NOXA1: variants seen among roughly 807,000 people sequenced by gnomAD.
NOXA1 encodes the protein NADPH oxidase activator 1.
Under a neutral mutation model 64.8 loss-of-function variants are expected in NOXA1, and 56 were observed. That is an observed-to-expected ratio of 0.86 (90% CI 0.70 to 1.08). The LOEUF (loss-of-function observed/expected upper bound fraction) is 1.08. NOXA1 is among the 50% of genes least tolerant of loss of function. NOXA1 has a pLI of 0.00. For missense variants in NOXA1, 668 were observed against 658.5 expected (o/e 1.01, Z -0.16); for synonymous variants, 295 against 294.8 (o/e 1.00, Z -0.01).
intron 1 of NOXA1, among the ~76,000 whole-genome samples, chr9:137,424,696 C>G (rs770900126): frequency 6.6e-6 from 1 of 152,184 alleles, no homozygotes; most frequent in African/African-American, 2.4e-5. Flanking sequence ...CCTCGGCCAC[C>G]CATAGTGGTG....
rs1839109817 is a variant in NOXA1 at position 137,431,507 on chromosome 9, G to GT, written c.804+166_804+167insT. 6.6e-6 allele frequency among the ~76,000 whole-genome samples: 1 copy of GT among 152,214 alleles called. No individual in the cohort carries two copies. Among genetic ancestry groups the GT allele is most frequent in the Non-Finnish European group, 1.5e-5 (1 of 68,018 alleles). ...CTGGCCCAGCCCAGCCAGATGGGAG[G>GT]ATGCCTGGCTGTGCCCGAGGCGAGT... On this transcript the variant is annotated intron_variant, in intron 8 of 13. Transcript: ENST00000683555. This position sits in a 1 kb window ranked among gnomAD's most constrained non-coding sequence, Gnocchi z 5.6.
At position 137,433,506 on chromosome 9, in the gene NOXA1, C is replaced by A; in HGVS notation, c.963C>A (p.Ala321=). 6.2e-7 allele frequency: 1 copy of A among 1,603,626 alleles called. No homozygotes were observed. The highest frequency in any genetic ancestry group is 1.3e-5 in the African/African-American group (1 of 74,986). Residue 321 remains alanine, a synonymous_variant, in exon 11 of 14, where the codon GCC becomes GCA. Coordinates refer to ENST00000683555, the MANE Select transcript of NOXA1 (RefSeq NM_001256067.2). ...TGGTGACTGTCACCGTGCAGTGCGC[C>A]TTCACAGTGGCCCTGAGGGCACGAA... ...EPLVTVTVQC[A]FTVALRARRG... is the part of the protein sequence containing the mutation.
chr9:137,429,458 G>C, intron 5 of NOXA1, 75 bp downstream of exon 5: 1 of 1,078,686 alleles, frequency 9.3e-7, no homozygotes, highest in South Asian at 1.4e-5. Flanking sequence ...GGGATGGGGG[G>C]AGGTGCAGTC....
chr9:137,433,839 C>G lies in NOXA1; in HGVS notation c.1154C>G (p.Pro385Arg), dbSNP rs949346640. The change falls in exon 12 of 14, where the codon CCC becomes CGC. Residue 385 changes from proline (P) to arginine (R), a missense_variant. Coordinates refer to ENST00000683555, the MANE Select transcript of NOXA1 (RefSeq NM_001256067.2). ...QRAWQDAAAC[P>R]RGLQLQCRGA... ...GCCTGGCAGGACGCAGCTGCCTGCC[C>G]CAGGGGGCTGCAGCTGCAGTGCAGG... 2.0e-5 allele frequency: 29 copies of G among 1,451,532 alleles called. No individual in the cohort carries two copies. Among genetic ancestry groups the G allele is most frequent in the East Asian group, 2.5e-5 (1 of 40,036 alleles). The allele number at this position is 1,451,532 out of a possible 1,614,324, so 89.9% of individuals were successfully genotyped here.
rs1246443147 is a variant in NOXA1 at position 137,423,499 on chromosome 9, G to A, written c.-31G>A. ...GGCCCCGGCCCCTCCGCGGGATCCT[G>A]GCCCCTCCTCGAGCGCCGCCACCGG... is the stretch of plus-strand genomic sequence containing the variant. On this transcript the variant is annotated 5_prime_UTR_variant, in exon 1 of 14. Coordinates refer to ENST00000683555, the MANE Select transcript of NOXA1 (RefSeq NM_001256067.2). 1.6e-6 allele frequency: 2 copies of A among 1,285,074 alleles called. No individual in the cohort carries two copies. Among genetic ancestry groups the A allele is most frequent in the Admixed American group, 3.7e-5 (1 of 27,126 alleles). 79.6% of individuals were successfully genotyped at this position (1,285,074 alleles called of 1,614,324 possible). A position where few individuals can be genotyped will look rare whatever the true frequency, so the allele number is the denominator to read the frequency against.
chr9:137,431,298 A>T lies in NOXA1; in HGVS notation c.761A>T (p.Glu254Val). 1 of 1,612,218 alleles carries T rather than the reference A, an allele frequency of 6.2e-7. No homozygotes were observed. The change falls in exon 8 of 14, where the codon GAG becomes GTG. Residue 254 changes from glutamate (E) to valine (V), a missense_variant. Coordinates refer to ENST00000683555, the MANE Select transcript of NOXA1 (RefSeq NM_001256067.2). This position sits in a 1 kb window ranked among gnomAD's most constrained non-coding sequence, Gnocchi z 5.6. ...CAGGGCCCCCTCGATGCAGAGACAGAGGTCGGTGCTGACCGCTGCACGTCG... is the reference window on the plus strand; with the variant it reads ...CAGGGCCCCCTCGATGCAGAGACAGTGGTCGGTGCTGACCGCTGCACGTCG... ...THQGPLDAET[E>V]VGADRCTSTA...
rs760705134 is a variant in NOXA1 at position 137,433,812 on chromosome 9, G to C, written c.1127G>C (p.Arg376Thr). The C allele has an allele frequency of 4.8e-6, 7 of 1,452,816 alleles. No individual in the cohort carries two copies. In the South Asian group the frequency reaches 1.0e-4, roughly 21 times the overall value. The allele number at this position is 1,452,816 out of a possible 1,614,324, so 90.0% of individuals were successfully genotyped here. A position where few individuals can be genotyped will look rare whatever the true frequency, so the allele number is the denominator to read the frequency against. Residue 376 changes from arginine to threonine, a missense_variant, in exon 12 of 14, where the codon AGG becomes ACG. Arg to Thr is a moderately conservative substitution (Grantham distance 71, BLOSUM62 -1). Coordinates refer to ENST00000683555, the MANE Select transcript of NOXA1 (RefSeq NM_001256067.2). Reference sequence around the variant, plus strand: ...ATCCCCGAGGAGGAGTCGCTGCAGAGGGCCTGGCAGGACGCAGCTGCCTGC... The same window carrying C: ...ATCCCCGAGGAGGAGTCGCTGCAGACGGCCTGGCAGGACGCAGCTGCCTGC... Reference protein sequence around the residue: ...VPIPEEESLQRAWQDAAACPR... With the variant: ...VPIPEEESLQTAWQDAAACPR...
At chr9:137,433,916 C>T (rs1016999008) in intron 12 of NOXA1, 49 bp from the exon 13 acceptor site, 5 of 1,503,632 alleles carry the variant, frequency 3.3e-6, no homozygotes, top group African/African-American at 1.4e-5. Context: ...CGGTGGAGGC[C>T]CCTCCTCCCA....
rs769005094 is a variant in NOXA1, at chr9:137,434,250, T to C, written c.1321T>C (p.Cys441Arg). 70 of 1,610,568 alleles carry C rather than the reference T, an allele frequency of 4.3e-5. No homozygotes were observed. Among genetic ancestry groups the C allele is most frequent in the Non-Finnish European group, 4.7e-5 (56 of 1,179,528 alleles). ...GGACCAGGCATGGCTGGAGGGCCAC[T>C]GTGACGGCCGCATCGGCATCTTCCC... ...EVDQAWLEGH[C>R]DGRIGIFPKC... The change falls in exon 14 of 14, where the codon TGT becomes CGT. Residue 441 changes from cysteine (C) to arginine (R), a missense_variant. Cys to Arg is a radical substitution (Grantham distance 180). Transcript: ENST00000683555.
rs1186258964 is a variant in NOXA1, at chr9:137,423,467, TGGCCCC to T, written c.-50_-45del. The T allele has an allele frequency of 1.2e-5, 13 of 1,116,902 alleles. No homozygotes were observed. Among genetic ancestry groups the T allele is most frequent in the Admixed American group, 4.5e-5 (1 of 22,066 alleles). 69.2% of individuals were successfully genotyped at this position (1,116,902 alleles called of 1,614,324 possible). Reference sequence around the variant, plus strand: ...GACCCCGCAGCCCCGCGCCGCCGCCTGGCCCCGGCCCCGGCCCCTCCGCGGGATCCT... The same window carrying T: ...GACCCCGCAGCCCCGCGCCGCCGCCTGGCCCCGGCCCCTCCGCGGGATCCT... On this transcript the variant is annotated 5_prime_UTR_variant, in exon 1 of 14. Transcript: ENST00000683555.
At position 137,433,985 on chromosome 9, in the gene NOXA1, C is replaced by T. The variant is rs1281948299; in HGVS notation, c.1200C>T (p.Val400=). The T allele has an allele frequency of 6.4e-7, 1 of 1,556,454 alleles. No homozygotes were observed. Among genetic ancestry groups the T allele is most frequent in the African/African-American group, 1.4e-5 (1 of 73,978 alleles). Residue 400 remains valine (V), a synonymous_variant, in exon 13 of 14, where the codon GTC becomes GTT. Transcript: ENST00000683555. ...LQCRGAGGRP[V]LYQVVAQHSY... ...CTCAGGGAGCCGGGGGTCGGCCGGT[C>T]CTCTACCAGGTGGTGGCCCAGCACA... is the stretch of plus-strand genomic sequence containing the variant.
Position 137,433,849 on chromosome 9 carries a change from G to GCAGTC in NOXA1, c.1167_1168insTCCAG (p.Leu390SerfsTer?), listed in dbSNP as rs1329527775. 5.5e-6 allele frequency: 8 copies of GCAGTC among 1,451,618 alleles called. No homozygotes were observed. The highest frequency in any genetic ancestry group is 7.3e-6 in the Non-Finnish European group (8 of 1,099,884). The allele number at this position is 1,451,618 out of a possible 1,614,324, so 89.9% of individuals were successfully genotyped here. A position where few individuals can be genotyped will look rare whatever the true frequency, so the allele number is the denominator to read the frequency against. ...ACGCAGCTGCCTGCCCCAGGGGGCT[G>GCAGTC]CAGCTGCAGTGCAGGGTGAGCCAAG... On this transcript the variant is annotated frameshift_variant, in exon 12 of 14. Transcript: ENST00000683555. LOFTEE classifies it high-confidence loss of function.
intron 5 of NOXA1, among the ~76,000 whole-genome samples, chr9:137,429,715 C>T (rs1009877899): frequency 2.0e-5 from 3 of 152,128 alleles, no homozygotes; most frequent in Non-Finnish European, 2.9e-5. Context: ...CGTCTCTCTG[C>T]GTCCTTTCAT....
chr9:137,423,452 C>G lies in NOXA1; in HGVS notation c.-78C>G. 1.0e-6 allele frequency: 1 copy of G among 1,001,382 alleles called. No homozygotes were observed. The highest frequency in any genetic ancestry group is 1.3e-6 in the Non-Finnish European group (1 of 790,554). 62.0% of individuals were successfully genotyped at this position (1,001,382 alleles called of 1,614,324 possible). ...TCTGCCCGCCTCGGAGACCCCGCAG[C>G]CCCGCGCCGCCGCCTGGCCCCGGCC... On this transcript the variant is annotated 5_prime_UTR_variant, in exon 1 of 14. Transcript: ENST00000683555.
At position 137,431,526 on chromosome 9, in the gene NOXA1, G is replaced by C. The variant is rs1474588220; in HGVS notation, c.804+185G>C. Among the ~76,000 whole-genome samples the C allele has an allele frequency of 6.6e-6, 1 of 152,200 alleles. No individual in the cohort carries two copies. Among genetic ancestry groups the C allele is most frequent in the East Asian group, 1.9e-4 (1 of 5,192 alleles). On this transcript the variant is annotated intron_variant, in intron 8 of 13. Coordinates refer to ENST00000683555, the MANE Select transcript of NOXA1 (RefSeq NM_001256067.2). This position sits in a 1 kb window ranked among gnomAD's most constrained non-coding sequence, Gnocchi z 5.6. ...TGGGAGGATGCCTGGCTGTGCCCGA[G>C]GCGAGTGGGCATTGGCCATCAGGAC...
At position 137,428,935 on chromosome 9, in the gene NOXA1, G is replaced by T. The variant is rs202214004; in HGVS notation, c.423G>T (p.Ala141=). Reference sequence around the variant, plus strand: ...GCCAGCTGGGGCTCTGGACAGAGGCGGCCAGCAGCCTAAGGGAGGCCATGT... The same window carrying T: ...GCCAGCTGGGGCTCTGGACAGAGGCTGCCAGCAGCCTAAGGGAGGCCATGT... ...AQCQLGLWTE[A]ASSLREAMSK... is the part of the protein sequence containing the mutation. Residue 141 remains alanine, a synonymous_variant, in exon 4 of 14, where the codon GCG becomes GCT. Transcript: ENST00000683555. 5.0e-6 allele frequency: 8 copies of T among 1,596,782 alleles called. No homozygotes were observed. In the South Asian group the frequency reaches 6.8e-5, roughly 14 times the overall value.
Position 137,423,436 on chromosome 9 carries a change from C to T in NOXA1, c.-94C>T. 2 of 850,070 alleles carry T rather than the reference C, an allele frequency of 2.4e-6. No individual in the cohort carries two copies. Among genetic ancestry groups the T allele is most frequent in the Non-Finnish European group, 3.0e-6 (2 of 657,360 alleles). The allele number at this position is 850,070 out of a possible 1,614,324, so 52.7% of individuals were successfully genotyped here. ...GCTTGGCGCCCGCACCTCTGCCCGC[C>T]TCGGAGACCCCGCAGCCCCGCGCCG... On this transcript the variant is annotated 5_prime_UTR_variant, in exon 1 of 14. Transcript: ENST00000683555.
intron 1 of NOXA1, 136 bp downstream of exon 1, chr9:137,423,842 C>A: frequency 2.7e-6 from 2 of 738,474 alleles, no homozygotes; most frequent in Non-Finnish European, 3.6e-6. Context: ...CAGGTGGGAG[C>A]CGAGCAGGGG....
chr9:137,433,981 C>A lies in NOXA1; in HGVS notation c.1196C>A (p.Pro399Gln). Residue 399 changes from proline (P) to glutamine (Q), a missense_variant, in exon 13 of 14, where the codon CCG becomes CAG. By Grantham distance (76) the Pro-to-Gln change is moderately conservative (BLOSUM62 -1). Transcript: ENST00000683555. ...QLQCRGAGGR[P>Q]VLYQVVAQHS... ...CTGCCTCAGGGAGCCGGGGGTCGGC[C>A]GGTCCTCTACCAGGTGGTGGCCCAG... is the stretch of plus-strand genomic sequence containing the variant. 6.4e-7 allele frequency: 1 copy of A among 1,552,040 alleles called. No individual in the cohort carries two copies. Among genetic ancestry groups the A allele is most frequent in the South Asian group, 1.2e-5 (1 of 84,716 alleles).
Sources: gnomAD v4.1 joint callset for allele counts (sites outside exome capture counted in the v4.1 genomes callset) on GRCh38, gnomAD v4.1.1 for gene constraint, Gnocchi (gnomAD v3.1) non-coding constraint, MANE v1.5 for transcripts, NCBI Gene and HGNC (gene_info 2026-07-23, HGNC 2026-07-21) for gene names.